EPHB2: variants seen among roughly 807,000 people sequenced by gnomAD.
The protein encoded by EPHB2 is ephrin type-B receptor 2.
EPHB2 carries 18 observed loss-of-function variants against 96.4 expected under a neutral mutation model. That is an observed-to-expected ratio of 0.19 (90% CI 0.13 to 0.28). The LOEUF (loss-of-function observed/expected upper bound fraction) is 0.28. EPHB2 is among the 10% of genes least tolerant of loss of function. The pLI, the probability that EPHB2 is intolerant of heterozygous loss-of-function variation, is 1.00. For missense variants in EPHB2, 989 were observed against 1,355.4 expected, an observed-to-expected ratio of 0.73 and a Z score of 4.25; for synonymous variants, 506 against 534.1, an observed-to-expected ratio of 0.95 and a Z score of 0.72.
At chr1:22,786,551 C>T (rs868374344) in intron 3 of EPHB2, among the ~76,000 whole-genome samples, 6 of 152,178 alleles carry the variant, frequency 3.9e-5, no homozygotes, top group Admixed American at 2.0e-4. Context: ...TTAAATCTAC[C>T]AGCTCTGTGC....
chr1:22,760,358 C>A (rs892243834), intron 1 of EPHB2, among the ~76,000 whole-genome samples: 8 of 152,160 alleles, frequency 5.3e-5, no homozygotes, highest in Admixed American at 1.3e-4. Flanking sequence ...GGGCTAAGGT[C>A]AATTCCACGC....
chr1:22,798,955 G>T (rs1190997807), intron 3 of EPHB2, among the ~76,000 whole-genome samples: 2 of 152,124 alleles, frequency 1.3e-5, no homozygotes, highest in Non-Finnish European at 2.9e-5. Flanking sequence ...CATGTCTAAG[G>T]TGGGGGGGAC....
intron 3 of EPHB2, among the ~76,000 whole-genome samples, chr1:22,831,887 C>G (rs1645309039): frequency 6.6e-6 from 1 of 152,120 alleles, no homozygotes; most frequent in Non-Finnish European, 1.5e-5. Context: ...AGCTATCCAC[C>G]CCCCTACCTA....
chr1:22,784,647 C>G lies in EPHB2; in HGVS notation c.382C>G (p.Pro128Ala), dbSNP rs777940688. ...ADFDSATKTF[P>A]NWMENPWVKV... is the part of the protein sequence containing the mutation. ...CTTTGACTCGGCCACCAAGACCTTC[C>G]CCAACTGGATGGAGAATCCATGGGT... Residue 128 changes from proline to alanine, a missense_variant, in exon 3 of 16, where the codon CCC becomes GCC. Pro to Ala is a conservative substitution (Grantham distance 27, BLOSUM62 -1). Coordinates refer to ENST00000374630, the MANE Select transcript of EPHB2 (RefSeq NM_017449.5). The surrounding 1 kb of genome is among the most constrained non-coding windows in gnomAD (Gnocchi z 5.1). 2.7e-5 allele frequency: 43 copies of G among 1,613,972 alleles called. No homozygotes were observed. The highest frequency in any genetic ancestry group is 3.5e-5 in the Non-Finnish European group (41 of 1,180,054).
intron 3 of EPHB2, among the ~76,000 whole-genome samples, chr1:22,793,460 C>T (rs1355719070): frequency 2.0e-5 from 3 of 152,062 alleles, no homozygotes; most frequent in Non-Finnish European, 4.4e-5. Context: ...ATGAGAAGAA[C>T]CAAGGGCTGA....
chr1:22,765,559 A>AAAC (rs1553162303), intron 1 of EPHB2, among the ~76,000 whole-genome samples: 1 of 150,864 alleles, frequency 6.6e-6, no homozygotes, highest in African/African-American at 2.4e-5. Flanking sequence ...AAAAAAAAAA[A>AAAC]AAAACATTGA....
chr1:22,757,934 T>G (rs1364804118), intron 1 of EPHB2, among the ~76,000 whole-genome samples: 1,397 of 49,702 alleles, frequency 0.028, 14 homozygotes, highest in Middle Eastern at 0.081. Context: ...TTTTTTTTTT[T>G]TTGAGACGGA....
At position 22,710,894 on chromosome 1, in the gene EPHB2, C is replaced by G. The variant is rs984636930; in HGVS notation, c.-89C>G. 33 of 146,116 alleles carry G rather than the reference C, an allele frequency of 2.3e-4. No individual in the cohort carries two copies. Among genetic ancestry groups the G allele is most frequent in the Admixed American group, 3.4e-4 (5 of 14,722 alleles). The allele number at this position is 146,116 out of a possible 1,614,324, so 9.1% of individuals were successfully genotyped here. A position where few individuals can be genotyped will look rare whatever the true frequency, so the allele number is the denominator to read the frequency against. ...TGTGTGCGCCGCGCCTTGCCGCCCC[C>G]CCTGGCCCCCCGAGCCCGGGGCGCG... On this transcript the variant is annotated 5_prime_UTR_variant, in exon 1 of 16. Coordinates refer to ENST00000374630, the MANE Select transcript of EPHB2 (RefSeq NM_017449.5).
intron 4 of EPHB2, among the ~76,000 whole-genome samples, chr1:22,864,034 C>CTTTTTT (rs201727615): frequency 6.1e-5 from 8 of 131,190 alleles, no homozygotes; most frequent in African/African-American, 2.3e-4. Flanking sequence ...AGTTTCTGTT[C>CTTTTTT]TTTTTTTTTT....
chr1:22,760,653 C>T (rs1046138808), intron 1 of EPHB2, among the ~76,000 whole-genome samples: 4 of 152,142 alleles, frequency 2.6e-5, no homozygotes, highest in East Asian at 1.9e-4. Context: ...TGATATAACT[C>T]GGGGAGATGA....
Position 22,892,985 on chromosome 1 carries a change from A to G in EPHB2, c.1530A>G (p.Ala510=), listed in dbSNP as rs1160769126. 3.1e-6 allele frequency: 5 copies of G among 1,614,200 alleles called. No individual in the cohort carries two copies. Among genetic ancestry groups the G allele is most frequent in the Non-Finnish European group, 4.2e-6 (5 of 1,180,014 alleles). The change falls in exon 7 of 16, where the codon GCA becomes GCG. Residue 510 remains alanine (A), a synonymous_variant. Coordinates refer to ENST00000374630, the MANE Select transcript of EPHB2 (RefSeq NM_017449.5). The part of the protein sequence containing the change: ...AGAIYVFQVR[A]RTVAGYGRYS... ...CCATCTATGTCTTCCAGGTGCGGGC[A>G]CGCACCGTGGCAGGTTACGGGCGCT...
Position 22,784,619 on chromosome 1 carries a change from T to C in EPHB2, c.354T>C (p.Ala118=), listed in dbSNP as rs1570271357. Residue 118 remains alanine (A), a synonymous_variant, in exon 3 of 16, where the codon GCT becomes GCC. Coordinates refer to ENST00000374630, the MANE Select transcript of EPHB2 (RefSeq NM_017449.5). This position sits in a 1 kb window ranked among gnomAD's most constrained non-coding sequence, Gnocchi z 5.1. ...CCTTCAACCTCTATTACTATGAGGC[T>C]GACTTTGACTCGGCCACCAAGACCT... ...KETFNLYYYE[A]DFDSATKTFP... is the part of the protein sequence containing the mutation. 2 of 1,614,146 alleles carry C rather than the reference T, an allele frequency of 1.2e-6. No homozygotes were observed. Among genetic ancestry groups the C allele is most frequent in the South Asian group, 1.1e-5 (1 of 91,074 alleles).
At chr1:22,901,772 C>T (rs1639754118) in intron 9 of EPHB2, among the ~76,000 whole-genome samples, 1 of 151,618 alleles carries the variant, frequency 6.6e-6, no homozygotes, top group African/African-American at 2.4e-5. Context: ...CCACTTCTGC[C>T]ATTTATTAGC....
intron 1 of EPHB2, among the ~76,000 whole-genome samples, chr1:22,713,628 G>A (rs555158806): frequency 2.1e-4 from 32 of 152,328 alleles, no homozygotes; most frequent in African/African-American, 7.2e-4. Flanking sequence ...GTCCTCCTGA[G>A]GGTGACACAG....
intron 1 of EPHB2, among the ~76,000 whole-genome samples, chr1:22,745,866 G>T (rs907065142): frequency 6.6e-6 from 1 of 152,170 alleles, no homozygotes; most frequent in Non-Finnish European, 1.5e-5. Context: ...GTGCCTAGCC[G>T]ACGCTGCTCT....
intron 2 of EPHB2, among the ~76,000 whole-genome samples, chr1:22,783,106 T>C (rs1216604848): frequency 6.6e-6 from 1 of 152,204 alleles, no homozygotes; most frequent in Non-Finnish European, 1.5e-5. Context: ...AACCCAGGAC[T>C]CCTAGGGCAC....
Position 22,784,389 on chromosome 1 carries a change from C to T in EPHB2, c.127-3C>T. The T allele has an allele frequency of 1.9e-6, 3 of 1,614,058 alleles. No homozygotes were observed. Among genetic ancestry groups the T allele is most frequent in the Non-Finnish European group, 1.7e-6 (2 of 1,180,006 alleles). On this transcript the variant is annotated splice_region_variant and splice_polypyrimidine_tract_variant and intron_variant, in intron 2 of 15. Coordinates refer to ENST00000374630, the MANE Select transcript of EPHB2 (RefSeq NM_017449.5). The surrounding 1 kb of genome is among the most constrained non-coding windows in gnomAD (Gnocchi z 5.1). ...CCCCACCTGACGAGCATTTTACCCACAGTGGGAAGAGGTGAGTGGCTACGA... is the reference window on the plus strand; with the variant it reads ...CCCCACCTGACGAGCATTTTACCCATAGTGGGAAGAGGTGAGTGGCTACGA...
chr1:22,809,904 A>G (rs958600487), intron 3 of EPHB2, among the ~76,000 whole-genome samples: 5 of 152,144 alleles, frequency 3.3e-5, no homozygotes, highest in African/African-American at 1.2e-4. Flanking sequence ...ATGTTGGCCA[A>G]TATGTGAGCC....
chr1:22,851,090 G>A (rs1024416584), intron 3 of EPHB2, among the ~76,000 whole-genome samples: 2 of 152,168 alleles, frequency 1.3e-5, no homozygotes, highest in African/African-American at 4.8e-5. Context: ...AACCTCCCAG[G>A]CTCAAGAGAT....
Sources: gnomAD v4.1 joint callset for allele counts (sites outside exome capture counted in the v4.1 genomes callset) on GRCh38, gnomAD v4.1.1 for gene constraint, Gnocchi (gnomAD v3.1) non-coding constraint, MANE v1.5 for transcripts, NCBI Gene and HGNC (gene_info 2026-07-23, HGNC 2026-07-21) for gene names.